Variants in LRFN2 observed in about 807,000 individuals in gnomAD.
The protein encoded by LRFN2 is leucine-rich repeat and fibronectin type-III domain-containing protein 2.
In LRFN2, 18 loss-of-function variants were observed where a neutral mutation model predicts 37.3. The ratio of observed to expected loss-of-function variants is 0.48; its 90% CI spans 0.33 to 0.72. The LOEUF is 0.72. Among genes scored for constraint, LRFN2 ranks in the 30% least tolerant of loss-of-function variants. LRFN2 has a pLI of 0.02. For missense variants in LRFN2, 1,006 were observed against 1,060.7 expected, an observed-to-expected ratio of 0.95 and a Z score of 0.72; for synonymous variants, 556 against 466.6, an observed-to-expected ratio of 1.19 and a Z score of -2.47.
At chr6:40,440,986 G>A (rs1362029933) in intron 1 of LRFN2, among the ~76,000 whole-genome samples, 1 of 152,152 alleles carries the variant, frequency 6.6e-6, no homozygotes, top group Non-Finnish European at 1.5e-5. Flanking sequence ...TTATATAAGG[G>A]ACCAACTAAC....
intron 1 of LRFN2, among the ~76,000 whole-genome samples, chr6:40,572,869 G>A (rs528656690): frequency 2.3e-4 from 35 of 152,266 alleles, no homozygotes; most frequent in African/African-American, 7.7e-4. Context: ...CTGCAACAAG[G>A]TGCCTCCTCT....
At chr6:40,408,286 G>A (rs1411807058) in intron 2 of LRFN2, among the ~76,000 whole-genome samples, 1 of 152,176 alleles carries the variant, frequency 6.6e-6, no homozygotes, top group Non-Finnish European at 1.5e-5. Context: ...TCTACCAGGT[G>A]AGCAGGAAGA....
chr6:40,564,924 C>G (rs1767061708), intron 1 of LRFN2, among the ~76,000 whole-genome samples: 1 of 152,106 alleles, frequency 6.6e-6, no homozygotes, highest in African/African-American at 2.4e-5. Flanking sequence ...ATAAAGCAGC[C>G]CCTCCACCTG....
chr6:40,525,127 G>A (rs1187492383), intron 1 of LRFN2, among the ~76,000 whole-genome samples: 4 of 152,224 alleles, frequency 2.6e-5, no homozygotes, highest in Non-Finnish European at 5.9e-5. Flanking sequence ...TGACAAGGCA[G>A]TGTCCCCACC....
chr6:40,402,493 A>T (rs978234391), intron 2 of LRFN2, among the ~76,000 whole-genome samples: 1 of 152,256 alleles, frequency 6.6e-6, no homozygotes, highest in Non-Finnish European at 1.5e-5. Flanking sequence ...AATGATAGCT[A>T]ACATTTATTG....
In LRFN2 at chr6:40,450,052, G is replaced by A. The variant is rs180860665; in HGVS notation, c.-18-16921C>T. Among the ~76,000 whole-genome samples the A allele has an allele frequency of 1.9e-3, 282 of 152,256 alleles. 1 individual carries two copies. The highest frequency in any genetic ancestry group is 6.3e-3 in the African/African-American group (262 of 41,542). Reference sequence around the variant, plus strand: ...GTAGGCAGAAGGAGCTGACACAGACGCAGGGAACTAGAAAAACTTCAGGAC... The same window carrying A: ...GTAGGCAGAAGGAGCTGACACAGACACAGGGAACTAGAAAAACTTCAGGAC... On this transcript the variant is annotated intron_variant, in intron 1 of 2. Transcript: ENST00000338305.
intron 1 of LRFN2, among the ~76,000 whole-genome samples, chr6:40,474,556 C>T (rs1454615474): frequency 6.6e-6 from 1 of 152,194 alleles, no homozygotes; most frequent in East Asian, 1.9e-4. Context: ...GTGGCACGAT[C>T]TGGGCTCACT....
At position 40,432,758 on chromosome 6, in the gene LRFN2, G is replaced by T. The variant is rs755631730; in HGVS notation, c.356C>A (p.Thr119Asn). 6.2e-7 allele frequency: 1 copy of T among 1,614,198 alleles called. No individual in the cohort carries two copies. The highest frequency in any genetic ancestry group is 1.1e-5 in the South Asian group (1 of 91,088). The change falls in exon 2 of 3, where the codon ACC (threonine) becomes AAC (asparagine). Residue 119 changes from threonine (T) to asparagine (N), a missense_variant. Thr to Asn is a moderately conservative substitution (Grantham distance 65). Around this residue, in one of 4 missense-constraint regions of LRFN2, gnomAD observed 185 missense variants for 254.9 expected, o/e 0.73. Transcript: ENST00000338305. ...CTGCAGGTTGACCAGGCCCCGGAGG[G>T]TGTCCTCCCCAAGGCTTGGCAGCCG... ...SNRLPSLGED[T>N]LRGLVNLQHL...
At chr6:40,540,365 C>T (rs1299514777) in intron 1 of LRFN2, among the ~76,000 whole-genome samples, 2 of 152,270 alleles carry the variant, frequency 1.3e-5, no homozygotes, top group East Asian at 3.9e-4. Context: ...TATGTTGAAC[C>T]TAAGTTCCTT....
At chr6:40,505,160 G>A (rs1377845437) in intron 1 of LRFN2, among the ~76,000 whole-genome samples, 1 of 152,152 alleles carries the variant, frequency 6.6e-6, no homozygotes, top group Non-Finnish European at 1.5e-5. Context: ...ATCTGTGATT[G>A]TTTATAACCT....
At chr6:40,512,525 T>G (rs1378440474) in intron 1 of LRFN2, among the ~76,000 whole-genome samples, 1 of 152,218 alleles carries the variant, frequency 6.6e-6, no homozygotes, top group East Asian at 1.9e-4. Flanking sequence ...AGAGATTCTG[T>G]GCCCCCAGGC....
chr6:40,579,349 G>A (rs1767349419), intron 1 of LRFN2, among the ~76,000 whole-genome samples: 1 of 152,096 alleles, frequency 6.6e-6, no homozygotes, highest in South Asian at 2.1e-4. Flanking sequence ...TTCCTTTCAG[G>A]CCAGCTGTCT....
chr6:40,492,927 T>C (rs533401037), intron 1 of LRFN2, among the ~76,000 whole-genome samples: 1 of 152,130 alleles, frequency 6.6e-6, no homozygotes, highest in Non-Finnish European at 1.5e-5. Flanking sequence ...TGGTGGACAC[T>C]AACAAGAAAA....
chr6:40,419,985 T>C (rs1763183719), intron 2 of LRFN2, among the ~76,000 whole-genome samples: 1 of 152,214 alleles, frequency 6.6e-6, no homozygotes, highest in South Asian at 2.1e-4. Flanking sequence ...AAAGGTTTGG[T>C]GTTTAACAGA....
Position 40,392,162 on chromosome 6 carries a change from C to T in LRFN2, c.2151G>A (p.Lys717=). The change falls in exon 3 of 3, where the codon AAG becomes AAA. Residue 717 remains lysine, a synonymous_variant. Coordinates refer to ENST00000338305, the MANE Select transcript of LRFN2 (RefSeq NM_020737.3). This position sits in a 1 kb window ranked among gnomAD's most constrained non-coding sequence, Gnocchi z 4.7. Reference sequence around the variant, plus strand: ...TGTCGAAGGAGTGGCTGCGTTTGGCCTTGCCCTCCAACGGCAAGGGGAGCA... The same window carrying T: ...TGTCGAAGGAGTGGCTGCGTTTGGCTTTGCCCTCCAACGGCAAGGGGAGCA... ...RSLLPLPLEG[K]AKRSHSFDMG... is the part of the protein sequence containing the mutation. 2 of 1,603,870 alleles carry T rather than the reference C, an allele frequency of 1.2e-6. No individual in the cohort carries two copies. The highest frequency in any genetic ancestry group is 1.7e-4 in the Middle Eastern group (1 of 6,022).
chr6:40,430,369 T>G (rs1289628369), intron 2 of LRFN2, among the ~76,000 whole-genome samples: 6 of 152,214 alleles, frequency 3.9e-5, no homozygotes, highest in African/African-American at 1.4e-4. Flanking sequence ...GGAGGAGACC[T>G]CCAGGATGGA....
At chr6:40,434,179 C>G (rs1763585973) in intron 1 of LRFN2, among the ~76,000 whole-genome samples, 1 of 152,226 alleles carries the variant, frequency 6.6e-6, no homozygotes, top group African/African-American at 2.4e-5. Context: ...GACCTCTTTT[C>G]ATTCACCACT....
At chr6:40,508,574 A>G (rs142153622) in intron 1 of LRFN2, among the ~76,000 whole-genome samples, 1 of 152,196 alleles carries the variant, frequency 6.6e-6, no homozygotes, top group East Asian at 1.9e-4. Context: ...GTTCTACTGC[A>G]TACTAGTGGG....
chr6:40,535,961 AATG>A (rs1766440921), intron 1 of LRFN2, among the ~76,000 whole-genome samples: 1 of 152,136 alleles, frequency 6.6e-6, no homozygotes, highest in Admixed American at 6.5e-5. Flanking sequence ...TGCAGAAGCC[AATG>A]GGTCCAGCCT....
Sources: allele counts gnomAD v4.1 joint callset (sites outside exome capture counted in the v4.1 genomes callset), GRCh38; gene constraint gnomAD v4.1.1; regional missense constraint gnomAD v4.1.1; non-coding constraint Gnocchi (gnomAD v3.1); transcripts MANE v1.5; gene names NCBI Gene and HGNC (gene_info 2026-07-23, HGNC 2026-07-21).